PTPRD: variants seen among roughly 807,000 people sequenced by gnomAD.
PTPRD encodes receptor-type tyrosine-protein phosphatase delta.
A neutral mutation model predicts 214.5 loss-of-function variants in PTPRD; 34 were observed. The ratio of observed to expected loss-of-function variants is 0.16; its 90% CI spans 0.12 to 0.21. The LOEUF (loss-of-function observed/expected upper bound fraction) is 0.21, where lower values mean the gene tolerates loss of function less well. Ranked by LOEUF, PTPRD falls within the 10% of genes least tolerant of loss-of-function variation. PTPRD has a pLI of 1.00. For synonymous variants in PTPRD, 1,128 were observed against 845.7 expected, an observed-to-expected ratio of 1.33 and a Z score of -5.79; for missense variants, 2,545 against 2,398.7, an observed-to-expected ratio of 1.06 and a Z score of -1.27.
intron 2 of PTPRD, among the ~76,000 whole-genome samples, chr9:10,381,986 C>A (rs2097835484): frequency 6.6e-6 from 1 of 151,812 alleles, no homozygotes; most frequent in Non-Finnish European, 1.5e-5. Flanking sequence ...AATAGTTCTA[C>A]CATCTTCCCA....
At chr9:9,789,525 C>T (rs760122782) in intron 5 of PTPRD, among the ~76,000 whole-genome samples, 113 of 152,160 alleles carry the variant, frequency 7.4e-4, no homozygotes, top group Non-Finnish European at 9.7e-4. Flanking sequence ...CGGCCAGGTG[C>T]GGTGGCTCAC....
At chr9:9,253,717 T>C (rs1183078329) in intron 9 of PTPRD, among the ~76,000 whole-genome samples, 1 of 152,132 alleles carries the variant, frequency 6.6e-6, no homozygotes, top group African/African-American at 2.4e-5. Flanking sequence ...TTGGGTGAAA[T>C]ATTCCTACAT....
At chr9:9,719,093 C>T (rs139953238) in intron 7 of PTPRD, among the ~76,000 whole-genome samples, 77 of 152,264 alleles carry the variant, frequency 5.1e-4, no homozygotes, top group African/African-American at 1.7e-3. Flanking sequence ...CCAGGCCTGT[C>T]CATGGCCACT....
At chr9:9,407,308 T>C (rs917715205) in intron 8 of PTPRD, among the ~76,000 whole-genome samples, 1 of 151,772 alleles carries the variant, frequency 6.6e-6, no homozygotes, top group Non-Finnish European at 1.5e-5. Context: ...AATATATGAA[T>C]ATACAATGGT....
At chr9:10,361,306 A>G (rs1226344404) in intron 2 of PTPRD, among the ~76,000 whole-genome samples, 1 of 152,188 alleles carries the variant, frequency 6.6e-6, no homozygotes, top group Admixed American at 6.5e-5. Flanking sequence ...CTGTATACTC[A>G]TAAGAGAAAA....
intron 9 of PTPRD, among the ~76,000 whole-genome samples, chr9:9,294,843 A>C (rs1642530932): frequency 6.6e-6 from 1 of 151,716 alleles, no homozygotes; most frequent in South Asian, 2.1e-4. Context: ...ATTAGGCATA[A>C]ATTTTAAATT....
chr9:10,443,286 C>T (rs1291627064), intron 2 of PTPRD, among the ~76,000 whole-genome samples: 2 of 151,538 alleles, frequency 1.3e-5, no homozygotes, highest in African/African-American at 2.4e-5. Flanking sequence ...GTGGAACTAT[C>T]AGATAAAGTA....
chr9:10,523,601 G>GTA lies in PTPRD; in HGVS notation c.-600+88795_-600+88796dup, dbSNP rs201455705. Among the ~76,000 whole-genome samples the GTA allele has an allele frequency of 1.0e-3, 66 of 64,346 alleles. 5 individuals are homozygous for GTA. The highest frequency in any genetic ancestry group is 4.5e-3 in the South Asian group (6 of 1,326). The allele number at this position is 64,346 out of a possible 152,430, so 42.2% of individuals were successfully genotyped here. On this transcript the variant is annotated intron_variant, in intron 2 of 45. Coordinates refer to ENST00000381196, the MANE Select transcript of PTPRD (RefSeq NM_002839.4). ...CAATATTTTTCAAGTATATTTATCTGTATATATATATATATATATATAGAC... is the reference window on the plus strand; with the variant it reads ...CAATATTTTTCAAGTATATTTATCTGTATATATATATATATATATATATAGAC...
intron 9 of PTPRD, among the ~76,000 whole-genome samples, chr9:9,289,211 C>T (rs148287861): frequency 6.5e-4 from 99 of 151,874 alleles, no homozygotes; most frequent in African/African-American, 2.2e-3. Context: ...CTAACACCAT[C>T]CTTCAAAAAT....
At chr9:9,146,258 T>A in intron 10 of PTPRD, among the ~76,000 whole-genome samples, 1 of 152,168 alleles carries the variant, frequency 6.6e-6, no homozygotes, top group East Asian at 1.9e-4. Context: ...ATTTGTTATT[T>A]TTTTTTTAAA....
intron 33 of PTPRD, among the ~76,000 whole-genome samples, chr9:8,451,064 T>G (rs1289354939): frequency 2.0e-5 from 3 of 152,220 alleles, no homozygotes; most frequent in East Asian, 3.9e-4. Flanking sequence ...CGTTCTATGG[T>G]TAGCCAGAGG....
At chr9:9,285,927 A>G (rs1224742056) in intron 9 of PTPRD, among the ~76,000 whole-genome samples, 1 of 151,742 alleles carries the variant, frequency 6.6e-6, no homozygotes, top group Non-Finnish European at 1.5e-5. Context: ...TTCTCAGTCC[A>G]CAAGTACATT....
At chr9:9,749,710 G>T (rs2098497160) in intron 6 of PTPRD, among the ~76,000 whole-genome samples, 1 of 152,098 alleles carries the variant, frequency 6.6e-6, no homozygotes, top group Non-Finnish European at 1.5e-5. Context: ...AAGGCCTCAG[G>T]AAGAGATTTA....
chr9:8,950,661 C>A (rs2099096651), intron 11 of PTPRD, among the ~76,000 whole-genome samples: 2 of 151,700 alleles, frequency 1.3e-5, no homozygotes, highest in South Asian at 4.1e-4. Flanking sequence ...ATAGATAGAA[C>A]TTCCCAGAAT....
At chr9:10,326,154 C>T (rs534327791) in intron 3 of PTPRD, among the ~76,000 whole-genome samples, 6 of 151,692 alleles carry the variant, frequency 4.0e-5, no homozygotes, top group Admixed American at 3.3e-4. Flanking sequence ...TTTGATTGGA[C>T]AATTTTCAAA....
intron 2 of PTPRD, among the ~76,000 whole-genome samples, chr9:10,586,297 C>T (rs2073866245): frequency 6.6e-6 from 1 of 151,980 alleles, no homozygotes; most frequent in South Asian, 2.1e-4. Flanking sequence ...GTGAATCATA[C>T]ACCTTTGTAA....
chr9:8,485,161 C>G, intron 29 of PTPRD, 66 bp downstream of exon 29: 1 of 1,379,144 alleles, frequency 7.3e-7, no homozygotes, highest in Non-Finnish European at 1.0e-6. Context: ...GTGCAAATAA[C>G]TTACCCAGAT....
intron 9 of PTPRD, among the ~76,000 whole-genome samples, chr9:9,334,491 G>T (rs1440131494): frequency 6.6e-6 from 1 of 151,974 alleles, no homozygotes; most frequent in Non-Finnish European, 1.5e-5. Context: ...GTCAAGTTCA[G>T]AAGTGACAGA....
intron 21 of PTPRD, among the ~76,000 whole-genome samples, chr9:8,512,026 A>G (rs1463230239): frequency 6.6e-6 from 1 of 152,160 alleles, no homozygotes; most frequent in African/African-American, 2.4e-5. Flanking sequence ...AGAAAGGTTG[A>G]CACATATTGC....
Sources: allele counts gnomAD v4.1 joint callset (sites outside exome capture counted in the v4.1 genomes callset), GRCh38; gene constraint gnomAD v4.1.1; transcripts MANE v1.5; gene names NCBI Gene and HGNC (gene_info 2026-07-23, HGNC 2026-07-21).